The following DSCAM variants were observed in gnomAD, a reference collection of about 807,000 sequenced individuals.
The protein encoded by DSCAM is cell adhesion molecule DSCAM.
In DSCAM, 47 loss-of-function variants were observed where a neutral mutation model predicts 217.7. That is an observed-to-expected ratio of 0.22 (90% CI 0.17 to 0.28). DSCAM has a LOEUF of 0.28. Ranked by LOEUF, DSCAM falls within the 10% of genes least tolerant of loss-of-function variation. The pLI, the probability that DSCAM is intolerant of heterozygous loss-of-function variation, is 1.00. For missense variants in DSCAM, 2,080 were observed against 2,618.3 expected (o/e 0.79, Z 4.49); for synonymous variants, 1,056 against 1,015.3 (o/e 1.04, Z -0.76).
chr21:40,042,025 C>G (rs759593364), intron 32 of DSCAM, among the ~76,000 whole-genome samples: 1 of 152,118 alleles, frequency 6.6e-6, no homozygotes, highest in Non-Finnish European at 1.5e-5. Flanking sequence ...GCTGCTAGAA[C>G]CCAGCCACCA....
chr21:40,672,530 A>C (rs1376420424), intron 3 of DSCAM, among the ~76,000 whole-genome samples: 2 of 152,266 alleles, frequency 1.3e-5, no homozygotes, highest in African/African-American at 4.8e-5. Flanking sequence ...GAAAAAAGAA[A>C]ACAGCTTGAG....
intron 22 of DSCAM, 113 bp downstream of exon 22, chr21:40,087,057 G>A (rs1042232752): frequency 6.3e-6 from 5 of 792,116 alleles, no homozygotes; most frequent in African/African-American, 3.4e-5. Flanking sequence ...GTTTCCTTGA[G>A]TTTTCACTAA....
intron 11 of DSCAM, among the ~76,000 whole-genome samples, chr21:40,221,388 A>T (rs924002534): frequency 6.7e-6 from 1 of 149,300 alleles, no homozygotes; most frequent in African/African-American, 2.4e-5. Flanking sequence ...TGTATAATAC[A>T]TATATGTATA....
At chr21:40,742,097 G>A (rs915539387) in intron 1 of DSCAM, among the ~76,000 whole-genome samples, 2 of 152,152 alleles carry the variant, frequency 1.3e-5, no homozygotes, top group South Asian at 2.1e-4. Flanking sequence ...AGTCACATGC[G>A]ACATCTGAGG....
At chr21:40,202,697 C>G (rs1415843378) in intron 11 of DSCAM, among the ~76,000 whole-genome samples, 1 of 152,250 alleles carries the variant, frequency 6.6e-6, no homozygotes, top group Non-Finnish European at 1.5e-5. Context: ...ATAATCTCCA[C>G]CATATTTCTG....
At chr21:40,677,865 T>C (rs1007872625) in intron 3 of DSCAM, among the ~76,000 whole-genome samples, 16 of 152,164 alleles carry the variant, frequency 1.1e-4, no homozygotes, top group Non-Finnish European at 5.9e-5. Flanking sequence ...CCCACCTCCT[T>C]GATCTTAGAA....
At chr21:40,169,611 G>A (rs995121621) in intron 15 of DSCAM, among the ~76,000 whole-genome samples, 5 of 152,296 alleles carry the variant, frequency 3.3e-5, no homozygotes, top group South Asian at 2.1e-4. Context: ...GCCAAGAAAC[G>A]AAGCCGATTC....
chr21:40,703,393 C>T (rs1444120937), intron 2 of DSCAM, among the ~76,000 whole-genome samples: 4 of 152,096 alleles, frequency 2.6e-5, no homozygotes, highest in Admixed American at 1.3e-4. Context: ...GCGGCATGCA[C>T]CTCTGGTCCC....
At chr21:40,414,281 A>G (rs780090266) in intron 3 of DSCAM, among the ~76,000 whole-genome samples, 1 of 152,232 alleles carries the variant, frequency 6.6e-6, no homozygotes, top group Non-Finnish European at 1.5e-5. Context: ...GAACTCGACT[A>G]TAAGAAAACA....
chr21:40,800,478 T>C (rs2123496048), intron 1 of DSCAM, among the ~76,000 whole-genome samples: 1 of 152,248 alleles, frequency 6.6e-6, no homozygotes, highest in African/African-American at 2.4e-5. Flanking sequence ...ATTGGTTAAA[T>C]GGTGGTGACC....
At chr21:40,076,278 T>A (rs1246474128) in intron 26 of DSCAM, among the ~76,000 whole-genome samples, 3 of 152,050 alleles carry the variant, frequency 2.0e-5, no homozygotes, top group Admixed American at 6.6e-5. Context: ...ACTTACAGGA[T>A]GCCCATGAAG....
chr21:40,175,815 A>ACACGCACG (rs1555886122), intron 15 of DSCAM, among the ~76,000 whole-genome samples: 175 of 149,766 alleles, frequency 1.2e-3, no homozygotes, highest in African/African-American at 3.3e-3. Flanking sequence ...ACACGCACAC[A>ACACGCACG]CACACACACG....
At chr21:40,122,392 A>G (rs1419845389) in intron 20 of DSCAM, among the ~76,000 whole-genome samples, 1 of 152,240 alleles carries the variant, frequency 6.6e-6, no homozygotes, top group African/African-American at 2.4e-5. Flanking sequence ...GAGTCAAAAG[A>G]GCAACCGTGA....
At chr21:40,682,814 G>A (rs1174897299) in intron 3 of DSCAM, among the ~76,000 whole-genome samples, 4 of 66,362 alleles carry the variant, frequency 6.0e-5, no homozygotes, top group African/African-American at 2.6e-4. Flanking sequence ...GGAAGGGAAG[G>A]GAAGGGAAGG....
At chr21:40,507,311 C>T (rs1192615172) in intron 3 of DSCAM, among the ~76,000 whole-genome samples, 1 of 151,972 alleles carries the variant, frequency 6.6e-6, no homozygotes, top group African/African-American at 2.4e-5. Flanking sequence ...TTTAAAAAAA[C>T]AGCCGCAACT....
intron 19 of DSCAM, 38 bp from the exon 20 acceptor site, chr21:40,124,366 C>T (rs1266627177): frequency 6.2e-7 from 1 of 1,610,980 alleles, no homozygotes; most frequent in Admixed American, 1.7e-5. Flanking sequence ...GGTGGGGCCT[C>T]AACTTGGGCT....
intron 1 of DSCAM, among the ~76,000 whole-genome samples, chr21:40,833,161 T>C (rs2092025901): frequency 1.3e-5 from 2 of 151,986 alleles, no homozygotes. Flanking sequence ...AAAGATTTCA[T>C]GGACTTTGGA....
chr21:40,536,642 G>A (rs547167471), intron 3 of DSCAM, among the ~76,000 whole-genome samples: 6 of 152,168 alleles, frequency 3.9e-5, no homozygotes, highest in South Asian at 4.2e-4. Flanking sequence ...TCCTGACCTC[G>A]TGATCCGCCC....
chr21:40,109,396 C>A (rs1253943547), intron 20 of DSCAM, among the ~76,000 whole-genome samples: 1 of 152,230 alleles, frequency 6.6e-6, no homozygotes, highest in Non-Finnish European at 1.5e-5. Context: ...ATAGGAAAAG[C>A]TCAACATCAC....
Sources: allele counts gnomAD v4.1 joint callset (sites outside exome capture counted in the v4.1 genomes callset), GRCh38; gene constraint gnomAD v4.1.1; transcripts MANE v1.5; gene names NCBI Gene and HGNC (gene_info 2026-07-23, HGNC 2026-07-21).